The following LCK variants were observed in gnomAD, a reference collection of about 807,000 sequenced individuals.
LCK encodes LCK proto-oncogene, Src family tyrosine kinase.
LCK carries 14 observed loss-of-function variants against 64.6 expected under a neutral mutation model. The ratio of observed to expected loss-of-function variants is 0.22; its 90% CI spans 0.14 to 0.34. LCK has a LOEUF of 0.34. Ranked by LOEUF, LCK falls within the 10% of genes least tolerant of loss-of-function variation. LCK has a pLI of 1.00. For synonymous variants in LCK, 277 were observed against 263.6 expected, an observed-to-expected ratio of 1.05 and a Z score of -0.49; for missense variants, 434 against 668.1, an observed-to-expected ratio of 0.65 and a Z score of 3.86.
At chr1:32,259,457 T>C (rs1480522868) in intron 1 of LCK, among the ~76,000 whole-genome samples, 1 of 151,656 alleles carries the variant, frequency 6.6e-6, no homozygotes, top group Non-Finnish European at 1.5e-5. Flanking sequence ...CCATCTCTAC[T>C]AAAAATACAA....
intron 1 of LCK, among the ~76,000 whole-genome samples, chr1:32,255,983 C>A (rs1048842639): frequency 2.0e-5 from 3 of 151,652 alleles, no homozygotes; most frequent in African/African-American, 7.3e-5. Flanking sequence ...TAAAAAAATT[C>A]TTGGCCAGGC....
At chr1:32,271,351 A>C (rs1046154011) in intron 1 of LCK, among the ~76,000 whole-genome samples, 1 of 152,158 alleles carries the variant, frequency 6.6e-6, no homozygotes, top group Non-Finnish European at 1.5e-5. Flanking sequence ...GACTTTAAGC[A>C]TACCTCTGTG....
intron 1 of LCK, among the ~76,000 whole-genome samples, chr1:32,259,523 G>A (rs1219253699): frequency 2.0e-5 from 3 of 151,732 alleles, no homozygotes; most frequent in Admixed American, 2.0e-4. Context: ...GGGAGGCTGA[G>A]GTAGGATAAT....
In LCK at chr1:32,283,532, G is replaced by A. The variant is rs573378405; in HGVS notation, c.1328-1982G>A. On this transcript the variant is annotated intron_variant, in intron 12 of 12. Transcript: ENST00000336890. ...GAGCAATTTAGAAATAGGGAAGGAG[G>A]GAGCTATGTTACTGCTGTGATCATG... is the stretch of plus-strand genomic sequence containing the variant. Among the ~76,000 whole-genome samples the A allele has an allele frequency of 2.6e-5, 4 of 152,218 alleles. No homozygotes were observed. The South Asian group carries it at 8.3e-4, about 32-fold the overall frequency.
intron 1 of LCK, among the ~76,000 whole-genome samples, chr1:32,265,856 A>G (rs1207570777): frequency 2.0e-5 from 3 of 151,474 alleles, no homozygotes; most frequent in Non-Finnish European, 2.9e-5. Flanking sequence ...TTTCCTTTAT[A>G]TAGAGACTGA....
At chr1:32,271,018 T>G (rs1338697963) in intron 1 of LCK, among the ~76,000 whole-genome samples, 2 of 146,200 alleles carry the variant, frequency 1.4e-5, no homozygotes, top group Non-Finnish European at 3.0e-5. Context: ...TTTTTTTTTT[T>G]GAGACAGGCT....
Position 32,276,582 on chromosome 1 carries a change from C to T in LCK, c.785-25C>T. The stretch of plus-strand genomic sequence containing the variant: ...CCAGGACAGCTGCCTGGCGACTTTC[C>T]CACTCCTTCCCTTCCCCGACCCAGG... On this transcript the variant is annotated intron_variant, in intron 8 of 12. Coordinates refer to ENST00000336890, the MANE Select transcript of LCK (RefSeq NM_005356.5). This position sits in a 1 kb window ranked among gnomAD's most constrained non-coding sequence, Gnocchi z 4.6. The T allele has an allele frequency of 6.3e-7, 1 of 1,590,282 alleles. No individual in the cohort carries two copies. Among genetic ancestry groups the T allele is most frequent in the Non-Finnish European group, 8.6e-7 (1 of 1,164,880 alleles).
At chr1:32,258,614 G>GC (rs1639686174) in intron 1 of LCK, among the ~76,000 whole-genome samples, 1 of 151,388 alleles carries the variant, frequency 6.6e-6, no homozygotes, top group East Asian at 1.9e-4. Context: ...ACTAAAATTA[G>GC]TTTCTACTAA....
chr1:32,275,971 A>G lies in LCK; in HGVS notation c.539A>G (p.His180Arg). 6.2e-7 allele frequency: 1 copy of G among 1,614,134 alleles called. No homozygotes were observed. The highest frequency in any genetic ancestry group is 1.1e-5 in the South Asian group (1 of 91,088). The change falls in exon 7 of 13, where the codon CAT (histidine) becomes CGT (arginine). Residue 180 changes from histidine (H) to arginine (R), a missense_variant. Around this residue, in one of 2 missense-constraint regions of LCK, gnomAD observed 233 missense variants for 291.2 expected, o/e 0.80. Coordinates refer to ENST00000336890, the MANE Select transcript of LCK (RefSeq NM_005356.5). The surrounding 1 kb of genome is among the most constrained non-coding windows in gnomAD (Gnocchi z 6.9). ...CAGAACCAGGGAGAGGTGGTGAAAC[A>G]TTACAAGATCCGTAATCTGGACAAC... The part of the protein sequence containing the change: ...FDQNQGEVVK[H>R]YKIRNLDNGG...
intron 1 of LCK, among the ~76,000 whole-genome samples, chr1:32,262,444 A>AT (rs1469478064): frequency 2.9e-5 from 4 of 135,994 alleles, no homozygotes; most frequent in Non-Finnish European, 6.3e-5. Flanking sequence ...TTTTTTTTTG[A>AT]TGGAGTCTAG....
At chr1:32,255,804 T>TA (rs1207744846) in intron 1 of LCK, among the ~76,000 whole-genome samples, 16 of 139,950 alleles carry the variant, frequency 1.1e-4, no homozygotes, top group East Asian at 2.1e-4. Flanking sequence ...AAATTTATTT[T>TA]TTTTTTTTTT....
At position 32,251,894 on chromosome 1, in the gene LCK, A is replaced by AAGAGAGAGAGAGAGAGAGAGAG. The variant is rs4012161; in HGVS notation, c.-6+545_-6+566dup. Among the ~76,000 whole-genome samples, 2 of 132,232 alleles carry AAGAGAGAGAGAGAGAGAGAGAG rather than the reference A, an allele frequency of 1.5e-5. No individual in the cohort carries two copies. Among genetic ancestry groups the AAGAGAGAGAGAGAGAGAGAGAG allele is most frequent in the Non-Finnish European group, 3.2e-5 (2 of 61,806 alleles). The allele number at this position is 132,232 out of a possible 152,430, so 86.7% of individuals were successfully genotyped here. On this transcript the variant is annotated intron_variant, in intron 1 of 12. Coordinates refer to ENST00000336890, the MANE Select transcript of LCK (RefSeq NM_005356.5). The surrounding 1 kb of genome is among the most constrained non-coding windows in gnomAD (Gnocchi z 4.0). The stretch of plus-strand genomic sequence containing the variant: ...CCCCAGTGACAAGAATCTCCTGAGA[A>AAGAGAGAGAGAGAGAGAGAGAG]AGAGAGAGAGAGAGAGAGAGAGAGA...
chr1:32,252,839 A>C (rs1229060790), intron 1 of LCK, among the ~76,000 whole-genome samples: 1 of 152,200 alleles, frequency 6.6e-6, no homozygotes, highest in African/African-American at 2.4e-5. Flanking sequence ...ACCCATTTTC[A>C]AGAGTGCGTA....
intron 1 of LCK, among the ~76,000 whole-genome samples, chr1:32,255,887 A>G: frequency 6.9e-6 from 1 of 145,290 alleles, no homozygotes; most frequent in East Asian, 2.0e-4. Context: ...CTGTAACTTC[A>G]CACACCTGGG....
chr1:32,271,001 CTT>C (rs34162389), intron 1 of LCK, among the ~76,000 whole-genome samples: 39 of 123,292 alleles, frequency 3.2e-4, no homozygotes, highest in Admixed American at 3.3e-4. Flanking sequence ...CGCGCCTGGC[CTT>C]TTTTTTTTTT....
At chr1:32,271,819 CT>C (rs1557580744) in intron 1 of LCK, among the ~76,000 whole-genome samples, 1 of 152,184 alleles carries the variant, frequency 6.6e-6, no homozygotes, top group Non-Finnish European at 1.5e-5. Flanking sequence ...TAAACTACAG[CT>C]TCTGCTCTTG....
chr1:32,253,255 C>T (rs1395937446), intron 1 of LCK, among the ~76,000 whole-genome samples: 1 of 152,064 alleles, frequency 6.6e-6, no homozygotes, highest in Non-Finnish European at 1.5e-5. Flanking sequence ...ATCCTAGCTA[C>T]TCAGGGGGCT....
chr1:32,268,936 G>A (rs1420735576), intron 1 of LCK, among the ~76,000 whole-genome samples: 7 of 142,390 alleles, frequency 4.9e-5, no homozygotes, highest in South Asian at 2.2e-4. Flanking sequence ...CCTGGCCAAC[G>A]TGGCAAAACT....
In LCK at chr1:32,276,160, T is replaced by C; in HGVS notation, c.631+97T>C. On this transcript the variant is annotated intron_variant, in intron 7 of 12. Coordinates refer to ENST00000336890, the MANE Select transcript of LCK (RefSeq NM_005356.5). This position sits in a 1 kb window ranked among gnomAD's most constrained non-coding sequence, Gnocchi z 4.6. ...ATCCATCTTTCAATGCCCTACTCCA[T>C]TCCCCGCAGTGGGTGAGGTGTGGAA... 1 of 1,477,254 alleles carries C rather than the reference T, an allele frequency of 6.8e-7. No individual in the cohort carries two copies. The allele number at this position is 1,477,254 out of a possible 1,614,324, so 91.5% of individuals were successfully genotyped here. A position where few individuals can be genotyped will look rare whatever the true frequency, so the allele number is the denominator to read the frequency against.
Sources: gnomAD v4.1 joint callset for allele counts (sites outside exome capture counted in the v4.1 genomes callset) on GRCh38, gnomAD v4.1.1 for gene constraint, gnomAD v4.1.1 regional missense constraint, Gnocchi (gnomAD v3.1) non-coding constraint, MANE v1.5 for transcripts, NCBI Gene and HGNC (gene_info 2026-07-23, HGNC 2026-07-21) for gene names.